Variants in MYEF2 observed in about 807,000 individuals in gnomAD.
The protein encoded by MYEF2 is myelin gene expression factor 2.
A neutral mutation model predicts 75.2 loss-of-function variants in MYEF2; 37 were observed. The observed-to-expected ratio is 0.49, with a 90% CI of 0.38 to 0.65. MYEF2 has a LOEUF of 0.65. Ranked by LOEUF, MYEF2 falls within the 30% of genes least tolerant of loss-of-function variation. MYEF2 has a pLI of 0.00. For missense variants in MYEF2, 634 were observed against 771.4 expected (o/e 0.82, Z 2.11); for synonymous variants, 195 against 241.6 (o/e 0.81, Z 1.79).
chr15:48,160,486 T>TACATACACACAC lies in MYEF2; in HGVS notation c.526-683_526-682insGTGTGTGTATGT, dbSNP rs200591805. 8.7e-3 allele frequency among the ~76,000 whole-genome samples: 1,206 copies of TACATACACACAC among 139,300 alleles called. 17 individuals are homozygous for TACATACACACAC. Among genetic ancestry groups the TACATACACACAC allele is most frequent in the African/African-American group, 0.03 (1,128 of 37,930 alleles). The allele number at this position is 139,300 out of a possible 152,430, so 91.4% of individuals were successfully genotyped here. ...CCCTACCTTTAAACAAAACCAAACA[T>TACATACACACAC]ACACACACACACACACACACACACA... On this transcript the variant is annotated intron_variant, in intron 5 of 16. Transcript: ENST00000324324.
Position 48,136,900 on chromosome 15 carries a change from TATG to T in MYEF2, c.*6005_*6007del. 6.2e-7 allele frequency: 1 copy of T among 1,613,874 alleles called. No individual in the cohort carries two copies. Among genetic ancestry groups the T allele is most frequent in the Non-Finnish European group, 8.5e-7 (1 of 1,179,812 alleles). On this transcript the variant is annotated 3_prime_UTR_variant, in exon 17 of 17. Transcript: ENST00000324324. ...ATCAAGAACTGATAGTGGAATATTT[TATG>T]AAGATTCTGGCTACTCTCAGCTCTC...
rs77920254 is a variant in MYEF2, at chr15:48,148,914, A to C, written c.1639+118T>G. 2,617 of 989,998 alleles carry C rather than the reference A, an allele frequency of 2.6e-3. 42 individuals carry two copies. In the African/African-American group the frequency reaches 0.039, roughly 15 times the overall value. The allele number at this position is 989,998 out of a possible 1,614,324, so 61.3% of individuals were successfully genotyped here. ...TGGAATTAGACCTGGCACGCTATCA[A>C]GACTATCCAGGAATAGGCATCCGGA... On this transcript the variant is annotated intron_variant, in intron 16 of 16. Transcript: ENST00000324324.
At position 48,140,961 on chromosome 15, in the gene MYEF2, C is replaced by T. The variant is rs1420115283; in HGVS notation, c.*1947G>A. On this transcript the variant is annotated 3_prime_UTR_variant, in exon 17 of 17. Transcript: ENST00000324324. The stretch of plus-strand genomic sequence containing the variant: ...TTACCAGCCTGATTCAAATATGTTG[C>T]TAGCTAAAAAACTAATAAGCAAGCA... 1.8e-6 allele frequency: 1 copy of T among 541,122 alleles called. No individual in the cohort carries two copies. Among genetic ancestry groups the T allele is most frequent in the East Asian group, 3.2e-5 (1 of 30,902 alleles). 33.5% of individuals were successfully genotyped at this position (541,122 alleles called of 1,614,324 possible). A position where few individuals can be genotyped will look rare whatever the true frequency, so the allele number is the denominator to read the frequency against.
chr15:48,159,466 G>A (rs971696343), intron 6 of MYEF2, 147 bp downstream of exon 6: 24 of 659,814 alleles, frequency 3.6e-5, no homozygotes, highest in South Asian at 3.1e-4. Flanking sequence ...ATGTATATAC[G>A]TCAATTGATT....
rs943904034 is a variant in MYEF2 at position 48,140,895 on chromosome 15, A to G, written c.*2013T>C. 2.8e-5 allele frequency: 12 copies of G among 429,012 alleles called. No individual in the cohort carries two copies. Among genetic ancestry groups the G allele is most frequent in the Non-Finnish European group, 3.4e-5 (8 of 233,430 alleles). 26.6% of individuals were successfully genotyped at this position (429,012 alleles called of 1,614,324 possible). Reference sequence around the variant, plus strand: ...AGAATTTTAGCTGTTACGTATCTTTAGATATGTCATTAAAAATCTGTGCTA... The same window carrying G: ...AGAATTTTAGCTGTTACGTATCTTTGGATATGTCATTAAAAATCTGTGCTA... On this transcript the variant is annotated 3_prime_UTR_variant, in exon 17 of 17. Coordinates refer to ENST00000324324, the MANE Select transcript of MYEF2 (RefSeq NM_016132.5).
chr15:48,159,012 A>G (rs1364890641), intron 6 of MYEF2, 90 bp from the exon 7 acceptor site: 2 of 1,070,064 alleles, frequency 1.9e-6, no homozygotes, highest in Admixed American at 2.6e-5. Flanking sequence ...TCTTAAAACC[A>G]TAAAGAACCA....
intron 3 of MYEF2, 25 bp downstream of exon 3, chr15:48,167,324 G>A: frequency 6.2e-7 from 1 of 1,611,136 alleles, no homozygotes; most frequent in Non-Finnish European, 8.5e-7. Flanking sequence ...TAAACCTCAA[G>A]CAGATTATTG....
intron 1 of MYEF2, among the ~76,000 whole-genome samples, chr15:48,172,980 G>T (rs2040394722): frequency 6.6e-6 from 1 of 152,150 alleles, no homozygotes; most frequent in East Asian, 1.9e-4. Context: ...CATGAGGAAA[G>T]TCTTTCAAAT....
At chr15:48,171,371 AT>A (rs1262011822) in intron 1 of MYEF2, among the ~76,000 whole-genome samples, 2 of 152,192 alleles carry the variant, frequency 1.3e-5, no homozygotes, top group African/African-American at 4.8e-5. Flanking sequence ...ACAATGTTCT[AT>A]TCTTGACTTA....
At chr15:48,153,636 C>T in intron 10 of MYEF2, 156 bp downstream of exon 10, 1 of 634,886 alleles carries the variant, frequency 1.6e-6, no homozygotes, top group Non-Finnish European at 2.7e-6. Context: ...GTTAGCTGTG[C>T]TCAAGGTTTC....
At chr15:48,146,072 C>T (rs2469597) in intron 16 of MYEF2, among the ~76,000 whole-genome samples, 29,655 of 151,720 alleles carry the variant, frequency 0.2, 7,725 homozygotes, top group African/African-American at 0.56. Context: ...GCAGGAATAA[C>T]TGAGAATGGG....
At chr15:48,164,908 C>T (rs2040081200) in intron 5 of MYEF2, among the ~76,000 whole-genome samples, 3 of 152,152 alleles carry the variant, frequency 2.0e-5, no homozygotes, top group Non-Finnish European at 4.4e-5. Flanking sequence ...ATGTGTACTG[C>T]AAAACCAAAA....
chr15:48,177,932 ACCTGCTCCTCAGGAAG>A, intron 1 of MYEF2, 129 bp downstream of exon 1: 2 of 1,126,060 alleles, frequency 1.8e-6, no homozygotes, highest in Non-Finnish European at 2.5e-6. Flanking sequence ...GCCCAGCTGC[ACCTGCTCCTCAGGAAG>A]CCGATGGCCC....
In MYEF2 at chr15:48,178,159, C is replaced by T. The variant is rs770763628; in HGVS notation, c.79G>A (p.Gly27Ser). The part of the protein sequence containing the change: ...SPHLQPAEPP[G>S]EPRREPHPAE... ...GGGTGCGGCTCTCGCCGCGGCTCGC[C>T]CGGCGGCTCTGCGGGCTGCAGGTGC... Residue 27 changes from glycine to serine, a missense_variant, in exon 1 of 17, where the codon GGC becomes AGC. Transcript: ENST00000324324. 7.7e-6 allele frequency: 12 copies of T among 1,560,216 alleles called. No homozygotes were observed. In the African/African-American group the frequency reaches 1.5e-4, roughly 20 times the overall value.
chr15:48,141,422 C>T lies in MYEF2; in HGVS notation c.*1486G>A, dbSNP rs1597276039. On this transcript the variant is annotated 3_prime_UTR_variant, in exon 17 of 17. Coordinates refer to ENST00000324324, the MANE Select transcript of MYEF2 (RefSeq NM_016132.5). ...TGAAACCCAGTCTCTACTAAAAATACAAAAATTAGCCGGGCGTGGTGGCAT... is the reference window on the plus strand; with the variant it reads ...TGAAACCCAGTCTCTACTAAAAATATAAAAATTAGCCGGGCGTGGTGGCAT... The T allele has an allele frequency of 8.6e-6, 3 of 350,250 alleles. No homozygotes were observed. Among genetic ancestry groups the T allele is most frequent in the Non-Finnish European group, 1.6e-5 (3 of 186,392 alleles). The allele number at this position is 350,250 out of a possible 1,614,324, so 21.7% of individuals were successfully genotyped here.
chr15:48,145,328 ATAAT>A (rs574186863), intron 16 of MYEF2, among the ~76,000 whole-genome samples: 181 of 152,030 alleles, frequency 1.2e-3, no homozygotes, highest in African/African-American at 4.2e-3. Context: ...CTAAAGATAA[ATAAT>A]TGAGGAGAAA....
At chr15:48,161,354 T>G (rs548724051) in intron 5 of MYEF2, among the ~76,000 whole-genome samples, 1 of 152,040 alleles carries the variant, frequency 6.6e-6, no homozygotes, top group Non-Finnish European at 1.5e-5. Context: ...CTCTAAAGTC[T>G]GTTAAGGAAC....
rs1234457461 is a variant in MYEF2 at position 48,149,570 on chromosome 15, C to T, written c.1379-199G>A. ...ATACAGATAACAACTTTCCAAAGAA[C>T]AGAATTTGCTTACATATACATTTAG... On this transcript the variant is annotated intron_variant, in intron 14 of 16. Coordinates refer to ENST00000324324, the MANE Select transcript of MYEF2 (RefSeq NM_016132.5). This position sits in a 1 kb window ranked among gnomAD's most constrained non-coding sequence, Gnocchi z 4.0. 1.0e-5 allele frequency: 4 copies of T among 383,354 alleles called. No homozygotes were observed. The highest frequency in any genetic ancestry group is 2.1e-5 in the African/African-American group (1 of 48,040). 23.7% of individuals were successfully genotyped at this position (383,354 alleles called of 1,614,324 possible). A position where few individuals can be genotyped will look rare whatever the true frequency, so the allele number is the denominator to read the frequency against.
At chr15:48,163,251 A>G (rs2040015364) in intron 5 of MYEF2, among the ~76,000 whole-genome samples, 1 of 152,188 alleles carries the variant, frequency 6.6e-6, no homozygotes, top group South Asian at 2.1e-4. Context: ...CTATTAAGAT[A>G]CTTCACTTGT....
Sources: allele counts gnomAD v4.1 joint callset (sites outside exome capture counted in the v4.1 genomes callset), GRCh38; gene constraint gnomAD v4.1.1; non-coding constraint Gnocchi (gnomAD v3.1); transcripts MANE v1.5; gene names NCBI Gene and HGNC (gene_info 2026-07-23, HGNC 2026-07-21).